The following CATSPERE variants were observed in gnomAD, a reference collection of about 807,000 sequenced individuals.
CATSPERE encodes catsper channel auxiliary subunit epsilon.
Under a neutral mutation model 114.1 loss-of-function variants are expected in CATSPERE, and 93 were observed. The ratio of observed to expected loss-of-function variants is 0.81; its 90% CI spans 0.69 to 0.97. The LOEUF is 0.97. Among genes scored for constraint, CATSPERE ranks in the 50% least tolerant of loss-of-function variants. The probability of loss-of-function intolerance (pLI) is 0.00; values close to 1 mark genes in which losing one functional copy is unlikely to be tolerated. For synonymous variants in CATSPERE, 341 were observed against 384.1 expected (o/e 0.89, Z 1.31); for missense variants, 1,058 against 1,131.6 (o/e 0.93, Z 0.93).
intron 6 of CATSPERE, among the ~76,000 whole-genome samples, chr1:244,494,669 T>C (rs1007966084): frequency 1.3e-5 from 2 of 151,914 alleles, no homozygotes; most frequent in African/African-American, 4.8e-5. Context: ...AGAGGATGAT[T>C]AGAAGTGTGA....
chr1:244,500,670 T>C (rs2148284102), intron 7 of CATSPERE, among the ~76,000 whole-genome samples: 1 of 152,332 alleles, frequency 6.6e-6, no homozygotes, highest in Non-Finnish European at 1.5e-5. Context: ...TGTGGCGTTA[T>C]TTCTGAGGCC....
chr1:244,533,445 CCTTT>C (rs1250263700), intron 8 of CATSPERE, among the ~76,000 whole-genome samples: 1 of 151,546 alleles, frequency 6.6e-6, no homozygotes, highest in Non-Finnish European at 1.5e-5. Flanking sequence ...TTCTTTTCTT[CCTTT>C]CTGTCTTCCT....
rs148748439 is a variant in CATSPERE at position 244,623,577 on chromosome 1, G to GCTGT, written c.2648+5895_2648+5898dup. 9.1e-3 allele frequency among the ~76,000 whole-genome samples: 1,381 copies of GCTGT among 152,188 alleles called. 12 individuals are homozygous for GCTGT. Among genetic ancestry groups the GCTGT allele is most frequent in the Non-Finnish European group, 0.011 (764 of 68,000 alleles). Reference sequence around the variant, plus strand: ...GACATAATCAACCTGTCACCAGATGGCTGTCTGATGCCTCTGGATTCATAT... The same window carrying GCTGT: ...GACATAATCAACCTGTCACCAGATGGCTGTCTGTCTGATGCCTCTGGATTCATAT... On this transcript the variant is annotated intron_variant, in intron 20 of 21. Coordinates refer to ENST00000366534, the MANE Select transcript of CATSPERE (RefSeq NM_001130957.2).
chr1:244,567,070 G>C (rs973509691), intron 10 of CATSPERE, among the ~76,000 whole-genome samples: 2 of 152,106 alleles, frequency 1.3e-5, no homozygotes, highest in Non-Finnish European at 2.9e-5. Flanking sequence ...GCATTTGCTT[G>C]TCTGTAAAGG....
chr1:244,471,737 G>C (rs1480965050), intron 2 of CATSPERE, among the ~76,000 whole-genome samples: 1 of 152,122 alleles, frequency 6.6e-6, no homozygotes, highest in Non-Finnish European at 1.5e-5. Context: ...TTATTGCTGA[G>C]TATTCATTTG....
chr1:244,561,259 T>C lies in CATSPERE; in HGVS notation c.1507+114T>C, dbSNP rs961311071. 18 of 734,948 alleles carry C rather than the reference T, an allele frequency of 2.4e-5. No individual in the cohort carries two copies. In the African/African-American group the frequency reaches 3.2e-4, roughly 13 times the overall value. 45.5% of individuals were successfully genotyped at this position (734,948 alleles called of 1,614,324 possible). On this transcript the variant is annotated intron_variant, in intron 10 of 21. Coordinates refer to ENST00000366534, the MANE Select transcript of CATSPERE (RefSeq NM_001130957.2). ...GTGTGGCGTTTTTGGCAGCCAAAGG[T>C]GCACTTCTTATCACCTACAAATGAA... is the stretch of plus-strand genomic sequence containing the variant.
Position 244,640,157 on chromosome 1 carries a change from G to T in CATSPERE, c.*76G>T. Reference sequence around the variant, plus strand: ...TATTACATAGTGATATTGAGAGTGTGTGTTTGACCAAGAAATACTAAATAT... The same window carrying T: ...TATTACATAGTGATATTGAGAGTGTTTGTTTGACCAAGAAATACTAAATAT... On this transcript the variant is annotated 3_prime_UTR_variant, in exon 22 of 22. Coordinates refer to ENST00000366534, the MANE Select transcript of CATSPERE (RefSeq NM_001130957.2). 1.7e-6 allele frequency: 2 copies of T among 1,185,274 alleles called. No homozygotes were observed. Among genetic ancestry groups the T allele is most frequent in the East Asian group, 2.7e-5 (1 of 37,732 alleles). The allele number at this position is 1,185,274 out of a possible 1,614,324, so 73.4% of individuals were successfully genotyped here.
At chr1:244,549,860 C>T (rs1314163918) in intron 8 of CATSPERE, among the ~76,000 whole-genome samples, 1 of 152,086 alleles carries the variant, frequency 6.6e-6, no homozygotes, top group East Asian at 1.9e-4. Context: ...AAGAGATTAG[C>T]ATTTGAATTG....
At chr1:244,488,031 G>A (rs1558350918) in intron 5 of CATSPERE, among the ~76,000 whole-genome samples, 1 of 152,156 alleles carries the variant, frequency 6.6e-6, no homozygotes. Flanking sequence ...CAATTATCAT[G>A]TTAACATCCA....
chr1:244,503,478 C>T (rs1674373522), intron 7 of CATSPERE, among the ~76,000 whole-genome samples: 1 of 152,228 alleles, frequency 6.6e-6, no homozygotes. Context: ...TCTGATTCAT[C>T]TGCCATCACG....
rs1210518562 is a variant in CATSPERE, at chr1:244,552,637, A to G, written c.852A>G (p.Arg284=). ...VPPDILSDDE[R]RSVAHVILSR... ...CAGACATTCTGAGTGATGATGAAAG[A>G]CGGAGTGTGGCTCATGTGATCTTAT... Residue 284 remains arginine (R), a synonymous_variant, in exon 9 of 22, where the codon AGA becomes AGG. Transcript: ENST00000366534. The G allele has an allele frequency of 6.2e-7, 1 of 1,614,054 alleles. No homozygotes were observed. Among genetic ancestry groups the G allele is most frequent in the Non-Finnish European group, 8.5e-7 (1 of 1,180,042 alleles).
At chr1:244,515,851 A>G (rs915087784) in intron 7 of CATSPERE, among the ~76,000 whole-genome samples, 7 of 149,896 alleles carry the variant, frequency 4.7e-5, no homozygotes, top group African/African-American at 1.7e-4. Context: ...ACTATTTAGT[A>G]TATTTTAAAA....
At chr1:244,544,859 AGTTAT>A (rs1659469511) in intron 8 of CATSPERE, among the ~76,000 whole-genome samples, 1 of 152,222 alleles carries the variant, frequency 6.6e-6, no homozygotes, top group South Asian at 2.1e-4. Flanking sequence ...CATGTTTTGC[AGTTAT>A]TGATCTGGCA....
At chr1:244,473,542 C>A (rs1668806076) in intron 2 of CATSPERE, among the ~76,000 whole-genome samples, 1 of 152,148 alleles carries the variant, frequency 6.6e-6, no homozygotes, top group African/African-American at 2.4e-5. Flanking sequence ...ATATTTTCTC[C>A]CAGTCTGTTG....
At position 244,504,327 on chromosome 1, in the gene CATSPERE, T is replaced by C. The variant is rs1674502264; in HGVS notation, c.429+5248T>C. On this transcript the variant is annotated intron_variant, in intron 7 of 21. Coordinates refer to ENST00000366534, the MANE Select transcript of CATSPERE (RefSeq NM_001130957.2). This position sits in a 1 kb window ranked among gnomAD's most constrained non-coding sequence, Gnocchi z 4.1. Reference sequence around the variant, plus strand: ...ACTTTTTCTTTTAGAACAGTTTTAGTTTTCCAGAATTATTACAAAGATAGT... The same window carrying C: ...ACTTTTTCTTTTAGAACAGTTTTAGCTTTCCAGAATTATTACAAAGATAGT... 6.6e-6 allele frequency among the ~76,000 whole-genome samples: 1 copy of C among 152,216 alleles called. No individual in the cohort carries two copies. Among genetic ancestry groups the C allele is most frequent in the Non-Finnish European group, 1.5e-5 (1 of 68,038 alleles).
intron 20 of CATSPERE, among the ~76,000 whole-genome samples, chr1:244,628,818 AT>A (rs962774830): frequency 6.0e-4 from 91 of 152,156 alleles, no homozygotes; most frequent in African/African-American, 2.1e-3. Flanking sequence ...TCTTTCTCAT[AT>A]TTTTTTCATC....
At chr1:244,540,726 G>GGA (rs1296873548) in intron 8 of CATSPERE, among the ~76,000 whole-genome samples, 10 of 135,068 alleles carry the variant, frequency 7.4e-5, no homozygotes. Flanking sequence ...GAACAAAGCT[G>GGA]GAGGCATCAC....
chr1:244,522,465 G>A (rs991196686), intron 8 of CATSPERE, among the ~76,000 whole-genome samples: 2 of 151,982 alleles, frequency 1.3e-5, no homozygotes, highest in African/African-American at 4.8e-5. Context: ...GGTAGCAGAC[G>A]GCGAGAAATA....
At chr1:244,558,058 C>T (rs1661934396) in intron 9 of CATSPERE, among the ~76,000 whole-genome samples, 1 of 151,824 alleles carries the variant, frequency 6.6e-6, no homozygotes, top group South Asian at 2.1e-4. Context: ...TCAAGCAATT[C>T]TCGCACCTTG....
Sources: allele counts gnomAD v4.1 joint callset (sites outside exome capture counted in the v4.1 genomes callset), GRCh38; gene constraint gnomAD v4.1.1; non-coding constraint Gnocchi (gnomAD v3.1); transcripts MANE v1.5; gene names NCBI Gene and HGNC (gene_info 2026-07-23, HGNC 2026-07-21).